WASHC5: variants seen among roughly 807,000 people sequenced by gnomAD.
WASHC5 encodes WASH complex subunit strumpellin.
In WASHC5, 101 loss-of-function variants were observed where a neutral mutation model predicts 150.4. The observed-to-expected ratio is 0.67, with a 90% CI of 0.57 to 0.79. The LOEUF (loss-of-function observed/expected upper bound fraction) is 0.79. Ranked by LOEUF, WASHC5 falls within the 30% of genes least tolerant of loss-of-function variation. The pLI is 0.00. For missense variants in WASHC5, 1,195 were observed against 1,396.3 expected, an observed-to-expected ratio of 0.86 and a Z score of 2.30; for synonymous variants, 467 against 491.2, an observed-to-expected ratio of 0.95 and a Z score of 0.65.
intron 5 of WASHC5, among the ~76,000 whole-genome samples, 180 bp from the exon 6 acceptor site, chr8:125,079,110 GTGTGTGTATATATATA>G (rs1165594411): frequency 1.4e-4 from 7 of 48,766 alleles, no homozygotes; most frequent in African/African-American, 5.2e-4. Context: ...ATATGTGTGT[GTGTGTGTATATATATA>G]TATATATATA....
Position 125,049,168 on chromosome 8 carries a change from G to A in WASHC5, c.2217C>T (p.Pro739=), listed in dbSNP as rs1277132375. ...TGGTCGCTCCCAACTCTTTCAGCTTGGGCATCAATTCACTTGGCTGTGGAA... is the reference window on the plus strand; with the variant it reads ...TGGTCGCTCCCAACTCTTTCAGCTTAGGCATCAATTCACTTGGCTGTGGAA... ...NPRAKPSELM[P]KLKELGATMD... is the part of the protein sequence containing the mutation. Residue 739 remains proline (P), a synonymous_variant, in exon 19 of 29, where the codon CCC becomes CCT. Transcript: ENST00000318410. 2 of 1,614,040 alleles carry A rather than the reference G, an allele frequency of 1.2e-6. No individual in the cohort carries two copies. The highest frequency in any genetic ancestry group is 1.1e-5 in the South Asian group (1 of 91,088).
chr8:125,041,452 C>A (rs1179601039), intron 23 of WASHC5, among the ~76,000 whole-genome samples: 1 of 151,984 alleles, frequency 6.6e-6, no homozygotes, highest in Non-Finnish European at 1.5e-5. Context: ...CCAAGCCTGG[C>A]CAAAATGGTA....
intron 28 of WASHC5, among the ~76,000 whole-genome samples, chr8:125,028,192 G>C (rs912683406): frequency 6.6e-6 from 1 of 152,222 alleles, no homozygotes; most frequent in Non-Finnish European, 1.5e-5. Context: ...AAAGTAGTCT[G>C]CCATTTTTGG....
At chr8:125,060,751 C>T (rs549249141) in intron 12 of WASHC5, among the ~76,000 whole-genome samples, 2 of 152,098 alleles carry the variant, frequency 1.3e-5, no homozygotes, top group African/African-American at 4.8e-5. Flanking sequence ...TTTTACAACC[C>T]TAAAAATGGT....
Position 125,057,530 on chromosome 8 carries a change from A to G in WASHC5, c.1875+26T>C, listed in dbSNP as rs747612213. The G allele has an allele frequency of 4.9e-6, 7 of 1,426,840 alleles. No individual in the cohort carries two copies. The South Asian group carries it at 7.0e-5, about 14-fold the overall frequency. The allele number at this position is 1,426,840 out of a possible 1,614,324, so 88.4% of individuals were successfully genotyped here. ...AAAACAGCAGTTATCTGGCAAGAGT[A>G]AATATCACCCTGATGCATTTCTTAC... is the stretch of plus-strand genomic sequence containing the variant. On this transcript the variant is annotated intron_variant, in intron 15 of 28. Transcript: ENST00000318410.
At position 125,024,635 on chromosome 8, in the gene WASHC5, C is replaced by A. The variant is rs759863027; in HGVS notation, c.3462G>T (p.Glu1154Asp). The A allele has an allele frequency of 1.2e-5, 19 of 1,610,498 alleles. No homozygotes were observed. Among genetic ancestry groups the A allele is most frequent in the Non-Finnish European group, 1.6e-5 (19 of 1,177,022 alleles). Reference protein sequence around the residue: ...EAHVPNFIFDEFRTVL With the variant: ...EAHVPNFIFDDFRTVL ...AAAACAGTTACAGCACTGTTCTGAA[C>A]TCATCAAAAATGAAATTAGGCACAT... Residue 1154 changes from glutamate to aspartate, a missense_variant, in exon 29 of 29, where the codon GAG becomes GAT. By Grantham distance (45) the Glu-to-Asp change is conservative (BLOSUM62 2). Coordinates refer to ENST00000318410, the MANE Select transcript of WASHC5 (RefSeq NM_014846.4).
intron 9 of WASHC5, among the ~76,000 whole-genome samples, chr8:125,071,340 A>C (rs1191405257): frequency 1.3e-5 from 2 of 152,192 alleles, no homozygotes; most frequent in East Asian, 3.8e-4. Context: ...CAGAGGTTGA[A>C]GCATTTCTCA....
At chr8:125,026,239 A>G (rs16900222) in intron 28 of WASHC5, among the ~76,000 whole-genome samples, 4,210 of 152,204 alleles carry the variant, frequency 0.028, 123 homozygotes, top group South Asian at 0.16. Context: ...TTTCTTGAAA[A>G]CTGCCTCTTA....
At chr8:125,035,573 C>T (rs1183993843) in intron 26 of WASHC5, among the ~76,000 whole-genome samples, 2 of 152,176 alleles carry the variant, frequency 1.3e-5, no homozygotes, top group Non-Finnish European at 2.9e-5. Context: ...CTGTTGGGCA[C>T]TCAGTTTGCG....
At chr8:125,032,884 T>C (rs1325283981) in intron 26 of WASHC5, among the ~76,000 whole-genome samples, 2 of 151,646 alleles carry the variant, frequency 1.3e-5, no homozygotes, top group Non-Finnish European at 2.9e-5. Context: ...GAAGGATATT[T>C]ATGAAGTGAA....
intron 25 of WASHC5, among the ~76,000 whole-genome samples, chr8:125,038,045 G>A (rs897630357): frequency 6.6e-6 from 1 of 152,226 alleles, no homozygotes; most frequent in Non-Finnish European, 1.5e-5. Flanking sequence ...TCATAATGGC[G>A]TATTTCATAG....
intron 5 of WASHC5, among the ~76,000 whole-genome samples, chr8:125,080,056 G>A (rs372112515): frequency 3.9e-5 from 6 of 152,162 alleles, no homozygotes; most frequent in Admixed American, 2.0e-4. Context: ...TGATTTTTCC[G>A]GGTGGAATAG....
At chr8:125,055,787 G>C in intron 16 of WASHC5, 116 bp from the exon 17 acceptor site, 1 of 751,176 alleles carries the variant, frequency 1.3e-6, no homozygotes, top group Non-Finnish European at 2.4e-6. Flanking sequence ...ATTCTGGACA[G>C]AAATGAGGCT....
intron 23 of WASHC5, among the ~76,000 whole-genome samples, chr8:125,042,392 T>C (rs1815917303): frequency 6.6e-6 from 1 of 152,338 alleles, no homozygotes; most frequent in East Asian, 1.9e-4. Flanking sequence ...CATCATCGAA[T>C]AGCACAGAAC....
At chr8:125,075,161 C>A (rs1191362350) in intron 7 of WASHC5, 50 bp from the exon 8 acceptor site, 8 of 1,137,172 alleles carry the variant, frequency 7.0e-6, no homozygotes, top group Non-Finnish European at 1.1e-5. Flanking sequence ...CACTTCAAGG[C>A]AAAGGGTTGA....
intron 10 of WASHC5, among the ~76,000 whole-genome samples, chr8:125,066,677 G>T (rs1298457055): frequency 6.6e-6 from 1 of 152,150 alleles, no homozygotes; most frequent in East Asian, 1.9e-4. Flanking sequence ...GCCTAGTATG[G>T]GCTGACTCCT....
chr8:125,072,239 G>C (rs113538191), intron 9 of WASHC5, among the ~76,000 whole-genome samples: 3 of 151,106 alleles, frequency 2.0e-5, no homozygotes, highest in South Asian at 2.1e-4. Flanking sequence ...AGCTGCTTGC[G>C]GGGATTGCGG....
At chr8:125,069,480 C>T (rs191062536) in intron 9 of WASHC5, among the ~76,000 whole-genome samples, 2 of 152,276 alleles carry the variant, frequency 1.3e-5, no homozygotes, top group East Asian at 1.9e-4. Context: ...ATTACATGTG[C>T]CCCCTCCTGC....
chr8:125,045,014 A>C, intron 20 of WASHC5: 1 of 385,024 alleles, frequency 2.6e-6, no homozygotes, highest in Non-Finnish European at 4.9e-6. Flanking sequence ...TCAGGCTGGA[A>C]GACTTTAGAG....
Sources: gnomAD v4.1 joint callset for allele counts (sites outside exome capture counted in the v4.1 genomes callset) on GRCh38, gnomAD v4.1.1 for gene constraint, MANE v1.5 for transcripts, NCBI Gene and HGNC (gene_info 2026-07-23, HGNC 2026-07-21) for gene names.